The following UVRAG variants were observed in gnomAD, a reference collection of about 807,000 sequenced individuals.
UVRAG encodes the protein UV radiation resistance associated, also known as UV radiation resistance-associated gene protein.
Under a neutral mutation model 78.0 loss-of-function variants are expected in UVRAG, and 19 were observed. The observed-to-expected ratio is 0.24, with a 90% CI of 0.17 to 0.36. The LOEUF (loss-of-function observed/expected upper bound fraction) is 0.36. UVRAG is among the 10% of genes least tolerant of loss of function. UVRAG has a pLI of 1.00. For synonymous variants in UVRAG, 323 were observed against 324.6 expected, an observed-to-expected ratio of 1.00 and a Z score of 0.05; for missense variants, 740 against 853.8, an observed-to-expected ratio of 0.87 and a Z score of 1.66.
intron 6 of UVRAG, chr11:75,916,754 GTC>G (rs1266005161): frequency 6.6e-6 from 1 of 152,250 alleles, no homozygotes; most frequent in African/African-American, 2.4e-5. Context: ...GTAGGCAGAG[GTC>G]TAGGAAATGG....
At chr11:76,041,423 C>T (rs1008958419) in intron 12 of UVRAG, among the ~76,000 whole-genome samples, 1 of 152,158 alleles carries the variant, frequency 6.6e-6, no homozygotes, top group African/African-American at 2.4e-5. Context: ...AAGGCTGTTG[C>T]CACTGCATCT....
At chr11:75,917,284 T>C (rs2135049585) in intron 6 of UVRAG, among the ~76,000 whole-genome samples, 2 of 152,364 alleles carry the variant, frequency 1.3e-5, no homozygotes, top group South Asian at 4.1e-4. Flanking sequence ...AAGTTGCTTT[T>C]GTTAATTCTA....
chr11:76,044,488 C>T (rs1950708422), intron 12 of UVRAG, among the ~76,000 whole-genome samples: 1 of 152,192 alleles, frequency 6.6e-6, no homozygotes, highest in South Asian at 2.1e-4. Context: ...ATTTAAAAAG[C>T]AGGCCAGGCG....
chr11:76,000,401 G>A (rs534686200), intron 8 of UVRAG, among the ~76,000 whole-genome samples: 5 of 152,168 alleles, frequency 3.3e-5, no homozygotes, highest in Admixed American at 1.3e-4. Context: ...CCAGGAGTTC[G>A]AGACCAGCCT....
intron 12 of UVRAG, among the ~76,000 whole-genome samples, chr11:76,063,769 A>G (rs1951136034): frequency 6.6e-6 from 1 of 152,200 alleles, no homozygotes; most frequent in South Asian, 2.1e-4. Context: ...TAATGACCAC[A>G]TTCTTATCTA....
rs1952734434 is a variant in UVRAG, at chr11:76,142,142, A to C, written c.*729A>C. The C allele has an allele frequency of 6.6e-6, 1 of 151,930 alleles. No individual in the cohort carries two copies. Among genetic ancestry groups the C allele is most frequent in the Non-Finnish European group, 1.5e-5 (1 of 67,998 alleles). The allele number at this position is 151,930 out of a possible 1,614,324, so 9.4% of individuals were successfully genotyped here. ...ATGCGGCCCTCAGATTAGATGAAAAACTTGCTCCTGGTGGATCCCAAGGGA... is the reference window on the plus strand; with the variant it reads ...ATGCGGCCCTCAGATTAGATGAAAACCTTGCTCCTGGTGGATCCCAAGGGA... On this transcript the variant is annotated 3_prime_UTR_variant, in exon 15 of 15. Coordinates refer to ENST00000356136, the MANE Select transcript of UVRAG (RefSeq NM_003369.4).
At chr11:75,883,043 G>A (rs1471485875) in intron 4 of UVRAG, among the ~76,000 whole-genome samples, 1 of 152,098 alleles carries the variant, frequency 6.6e-6, no homozygotes, top group Non-Finnish European at 1.5e-5. Flanking sequence ...CTGCACTGGG[G>A]TATATATCCC....
chr11:76,100,870 T>C (rs1278303827), intron 13 of UVRAG, among the ~76,000 whole-genome samples: 1 of 152,188 alleles, frequency 6.6e-6, no homozygotes, highest in Non-Finnish European at 1.5e-5. Flanking sequence ...TTTGGTTTTC[T>C]CATCCTGCGT....
chr11:75,949,074 A>G (rs780096374), intron 6 of UVRAG, among the ~76,000 whole-genome samples: 2 of 152,168 alleles, frequency 1.3e-5, no homozygotes, highest in Admixed American at 6.5e-5. Flanking sequence ...GTTAGGGGCT[A>G]TTGGCTAGGT....
intron 1 of UVRAG, among the ~76,000 whole-genome samples, chr11:75,830,308 CG>C (rs1945625915): frequency 6.6e-6 from 1 of 151,042 alleles, no homozygotes; most frequent in Non-Finnish European, 1.5e-5. Context: ...GTCTCGCTTT[CG>C]GCCAGGCTGG....
intron 1 of UVRAG, among the ~76,000 whole-genome samples, chr11:75,819,177 T>A (rs892095860): frequency 2.6e-5 from 4 of 152,186 alleles, no homozygotes; most frequent in Non-Finnish European, 5.9e-5. Flanking sequence ...AAGTTAACAC[T>A]GCAAACACCT....
chr11:75,921,006 T>G (rs916823038), intron 6 of UVRAG, among the ~76,000 whole-genome samples: 1 of 152,210 alleles, frequency 6.6e-6, no homozygotes, highest in African/African-American at 2.4e-5. Flanking sequence ...AATGCGTGTT[T>G]GTTTTGACAG....
chr11:76,055,342 C>T (rs759075911), intron 12 of UVRAG, among the ~76,000 whole-genome samples: 1 of 152,210 alleles, frequency 6.6e-6, no homozygotes, highest in Non-Finnish European at 1.5e-5. Context: ...GCCACCGCAC[C>T]AGCCTGTTTT....
At chr11:75,839,074 GC>G (rs1316612672) in intron 1 of UVRAG, 3 of 152,164 alleles carry the variant, frequency 2.0e-5, no homozygotes, top group Non-Finnish European at 2.9e-5. Flanking sequence ...GTTTTAACTT[GC>G]ATTTCTCTTA....
At chr11:75,879,582 TTAA>T (rs1167624839) in intron 3 of UVRAG, among the ~76,000 whole-genome samples, 1 of 152,224 alleles carries the variant, frequency 6.6e-6, no homozygotes, top group Non-Finnish European at 1.5e-5. Flanking sequence ...GTGTTGGCTG[TTAA>T]TAATCACGTA....
At chr11:75,936,150 CAG>C (rs1464853230) in intron 6 of UVRAG, among the ~76,000 whole-genome samples, 1 of 152,198 alleles carries the variant, frequency 6.6e-6, no homozygotes, top group Non-Finnish European at 1.5e-5. Flanking sequence ...TGCATCCTGT[CAG>C]AGGGGACACA....
chr11:76,135,056 T>TATG (rs1952576888), intron 14 of UVRAG, among the ~76,000 whole-genome samples: 1 of 152,182 alleles, frequency 6.6e-6, no homozygotes, highest in African/African-American at 2.4e-5. Context: ...GTGTGCTCCT[T>TATG]ATGAGAATCT....
At position 76,031,087 on chromosome 11, in the gene UVRAG, A is replaced by G. The variant is rs189553241; in HGVS notation, c.1226+14107A>G. ...ACATTCAGTTTTTGCAAATTCTATT[A>G]GGTAATCTGACACTCTACTCTGTGA... On this transcript the variant is annotated intron_variant, in intron 12 of 14. Transcript: ENST00000356136. 1.4e-3 allele frequency among the ~76,000 whole-genome samples: 216 copies of G among 150,752 alleles called. 4 individuals are homozygous for G. Among genetic ancestry groups the G allele is most frequent in the Admixed American group, 0.014 (215 of 15,090 alleles).
At chr11:76,139,501 A>G (rs1591277649) in intron 14 of UVRAG, among the ~76,000 whole-genome samples, 1 of 151,790 alleles carries the variant, frequency 6.6e-6, no homozygotes, top group Non-Finnish European at 1.5e-5. Context: ...TTCTGCCTCT[A>G]CCCCTGCCTA....
Sources: allele counts gnomAD v4.1 joint callset (sites outside exome capture counted in the v4.1 genomes callset), GRCh38; gene constraint gnomAD v4.1.1; transcripts MANE v1.5; gene names NCBI Gene and HGNC (gene_info 2026-07-23, HGNC 2026-07-21).